The following ZNF592 variants were observed in gnomAD, a reference collection of about 807,000 sequenced individuals.
ZNF592 encodes the protein spinocerebellar ataxia, autosomal recessive 5.
Under a neutral mutation model 80.3 loss-of-function variants are expected in ZNF592, and 11 were observed. That is an observed-to-expected ratio of 0.14 (90% CI 0.09 to 0.23). The LOEUF (loss-of-function observed/expected upper bound fraction) is 0.23, where lower values mean the gene tolerates loss of function less well. Ranked by LOEUF, ZNF592 falls within the 10% of genes least tolerant of loss-of-function variation. ZNF592 has a pLI of 1.00. For missense variants in ZNF592, 1,420 were observed against 1,633.9 expected (o/e 0.87, Z 2.26); for synonymous variants, 646 against 640.3 (o/e 1.01, Z -0.13).
rs999073782 is a variant in ZNF592, at chr15:84,805,471, A to G, written c.*3078A>G. 3.3e-5 allele frequency: 5 copies of G among 152,654 alleles called. No individual in the cohort carries two copies. The highest frequency in any genetic ancestry group is 7.3e-5 in the Non-Finnish European group (5 of 68,044). The allele number at this position is 152,654 out of a possible 1,614,324, so 9.5% of individuals were successfully genotyped here. ...ACAGATAAGATCCCTTCCCTTGTAG[A>G]AACTACAACTTAATACAGTCTAAGA... On this transcript the variant is annotated 3_prime_UTR_variant, in exon 11 of 11. Transcript: ENST00000560079.
At position 84,799,990 on chromosome 15, in the gene ZNF592, TC is replaced by T; in HGVS notation, c.3273+16del. 1.2e-6 allele frequency: 2 copies of T among 1,614,144 alleles called. No individual in the cohort carries two copies. On this transcript the variant is annotated intron_variant, in intron 10 of 10. Coordinates refer to ENST00000560079, the MANE Select transcript of ZNF592 (RefSeq NM_014630.3). This position sits in a 1 kb window ranked among gnomAD's most constrained non-coding sequence, Gnocchi z 4.2. Reference sequence around the variant, plus strand: ...ACATTCCCCTCAGGTGAGTGTGGGCTCCCTGCCTATTGGAGCTGGCTGCTCA... The same window carrying T: ...ACATTCCCCTCAGGTGAGTGTGGGCTCCTGCCTATTGGAGCTGGCTGCTCA...
rs1198461508 is a variant in ZNF592, at chr15:84,803,051, A to G, written c.*658A>G. 1 of 152,794 alleles carries G rather than the reference A, an allele frequency of 6.5e-6. No individual in the cohort carries two copies. Among genetic ancestry groups the G allele is most frequent in the South Asian group, 2.1e-4 (1 of 4,844 alleles). 9.5% of individuals were successfully genotyped at this position (152,794 alleles called of 1,614,324 possible). A position where few individuals can be genotyped will look rare whatever the true frequency, so the allele number is the denominator to read the frequency against. On this transcript the variant is annotated 3_prime_UTR_variant, in exon 11 of 11. Transcript: ENST00000560079. ...ACACCTCTGTTTGGAACCTGGGCAGAGCAGGAGGTAAGGCAAAGGCAGGCA... is the reference window on the plus strand; with the variant it reads ...ACACCTCTGTTTGGAACCTGGGCAGGGCAGGAGGTAAGGCAAAGGCAGGCA...
At chr15:84,789,766 C>T (rs1316057172) in intron 4 of ZNF592, among the ~76,000 whole-genome samples, 1 of 152,212 alleles carries the variant, frequency 6.6e-6, no homozygotes, top group Non-Finnish European at 1.5e-5. Context: ...CAAGCCCCTT[C>T]GAGCTGGCTT....
chr15:84,802,778 A>G lies in ZNF592; in HGVS notation c.*385A>G. The stretch of plus-strand genomic sequence containing the variant: ...GCTGCCTTCAGCCAGGGCGCTCCTC[A>G]GAGCTCTATTTTCCTGCAGACACCA... On this transcript the variant is annotated 3_prime_UTR_variant, in exon 11 of 11. Coordinates refer to ENST00000560079, the MANE Select transcript of ZNF592 (RefSeq NM_014630.3). 1 of 267,790 alleles carries G rather than the reference A, an allele frequency of 3.7e-6. No individual in the cohort carries two copies. Among genetic ancestry groups the G allele is most frequent in the Non-Finnish European group, 7.4e-6 (1 of 135,454 alleles). 16.6% of individuals were successfully genotyped at this position (267,790 alleles called of 1,614,324 possible).
chr15:84,752,552 C>T (rs921269681), intron 1 of ZNF592, among the ~76,000 whole-genome samples: 1 of 152,116 alleles, frequency 6.6e-6, no homozygotes, highest in Non-Finnish European at 1.5e-5. Flanking sequence ...AAGCATGGAG[C>T]CATGGTAGCC....
At chr15:84,770,335 T>C (rs1295746677) in intron 2 of ZNF592, among the ~76,000 whole-genome samples, 1 of 152,156 alleles carries the variant, frequency 6.6e-6, no homozygotes, top group Non-Finnish European at 1.5e-5. Flanking sequence ...CTGAGGGGCT[T>C]ATAAAATAGC....
In ZNF592 at chr15:84,799,814, A is replaced by C; in HGVS notation, c.3138-28A>C. 6.2e-7 allele frequency: 1 copy of C among 1,613,312 alleles called. No homozygotes were observed. Among genetic ancestry groups the C allele is most frequent in the Non-Finnish European group, 8.5e-7 (1 of 1,179,952 alleles). On this transcript the variant is annotated intron_variant, in intron 9 of 10. Coordinates refer to ENST00000560079, the MANE Select transcript of ZNF592 (RefSeq NM_014630.3). The surrounding 1 kb of genome is among the most constrained non-coding windows in gnomAD (Gnocchi z 4.2). ...GAGGGAGCCTGCGGCCCGGGCACTTACCTGACCTCTCCGCTGTGCTTCTGC... is the reference window on the plus strand; with the variant it reads ...GAGGGAGCCTGCGGCCCGGGCACTTCCCTGACCTCTCCGCTGTGCTTCTGC...
chr15:84,790,574 A>G lies in ZNF592; in HGVS notation c.2221-131A>G, dbSNP rs933057527. 4 of 902,456 alleles carry G rather than the reference A, an allele frequency of 4.4e-6. No individual in the cohort carries two copies. The African/African-American group carries it at 4.9e-5, about 11-fold the overall frequency. The allele number at this position is 902,456 out of a possible 1,614,324, so 55.9% of individuals were successfully genotyped here. A position where few individuals can be genotyped will look rare whatever the true frequency, so the allele number is the denominator to read the frequency against. ...TCTAGGGGTGTCAGAAGTGTCCAGG[A>G]GAGTTGGAAGAGAGAGTGGTTGGGG... On this transcript the variant is annotated intron_variant, in intron 4 of 10. Transcript: ENST00000560079.
At chr15:84,800,055 G>C in intron 10 of ZNF592, 78 bp downstream of exon 10, 1 of 1,605,300 alleles carries the variant, frequency 6.2e-7, no homozygotes, top group East Asian at 2.2e-5. Context: ...GAAGGCTACT[G>C]TTGTGGCCAT....
chr15:84,790,595 T>TG (rs1201400190), intron 4 of ZNF592, 110 bp from the exon 5 acceptor site: 3 of 1,089,188 alleles, frequency 2.8e-6, no homozygotes, highest in Non-Finnish European at 4.2e-6. Context: ...AGAGAGTGGT[T>TG]GGGGGAAGGG....
intron 5 of ZNF592, among the ~76,000 whole-genome samples, chr15:84,794,859 G>C (rs543849256): frequency 6.6e-6 from 1 of 152,248 alleles, no homozygotes; most frequent in African/African-American, 2.4e-5. Context: ...TTATAATTGA[G>C]TTGTAAGAGT....
chr15:84,761,676 C>T (rs190992905), intron 1 of ZNF592, among the ~76,000 whole-genome samples: 4 of 152,302 alleles, frequency 2.6e-5, no homozygotes, highest in East Asian at 1.9e-4. Flanking sequence ...CTTCACCTCA[C>T]GGGCTGTAAT....
chr15:84,802,614 A>T lies in ZNF592; in HGVS notation c.*221A>T, dbSNP rs1963134889. The T allele has an allele frequency of 1.7e-6, 1 of 602,344 alleles. No homozygotes were observed. The highest frequency in any genetic ancestry group is 1.9e-5 in the African/African-American group (1 of 53,852). The allele number at this position is 602,344 out of a possible 1,614,324, so 37.3% of individuals were successfully genotyped here. A position where few individuals can be genotyped will look rare whatever the true frequency, so the allele number is the denominator to read the frequency against. The stretch of plus-strand genomic sequence containing the variant: ...AGCTCTGAATTTGCTTCTGTTATTT[A>T]TGGCTTTTCGCTGCTTCTTGGTGCC... On this transcript the variant is annotated 3_prime_UTR_variant, in exon 11 of 11. Transcript: ENST00000560079.
intron 1 of ZNF592, among the ~76,000 whole-genome samples, chr15:84,758,652 C>T (rs187818043): frequency 4.0e-5 from 6 of 151,634 alleles, no homozygotes; most frequent in Non-Finnish European, 8.8e-5. Flanking sequence ...TGGCTCACAC[C>T]TGTAATCCCA....
intron 2 of ZNF592, among the ~76,000 whole-genome samples, chr15:84,774,496 TG>T (rs1962184382): frequency 6.6e-6 from 1 of 152,238 alleles, no homozygotes; most frequent in South Asian, 2.1e-4. Context: ...CCTTATGGGT[TG>T]GAAACCACCA....
intron 4 of ZNF592, among the ~76,000 whole-genome samples, chr15:84,789,612 AATAGT>A (rs1484712123): frequency 6.6e-6 from 1 of 152,200 alleles, no homozygotes; most frequent in Admixed American, 6.5e-5. Flanking sequence ...TGTTCTTTCA[AATAGT>A]AGCCATCCTA....
chr15:84,782,882 T>C lies in ZNF592; in HGVS notation c.207T>C (p.Ile69=). 2.5e-6 allele frequency: 4 copies of C among 1,614,134 alleles called. No homozygotes were observed. In the East Asian group the frequency reaches 6.7e-5, roughly 27 times the overall value. ...CCGATGTGCCGGCCGTGAGTGTCAT[T>C]GTCAAGAACACCAGCCGCCAGGAGT... ...SAPDVPAVSV[I]VKNTSRQESF... is the part of the protein sequence containing the mutation. The change falls in exon 4 of 11, where the codon ATT becomes ATC. Residue 69 remains isoleucine, a synonymous_variant. Coordinates refer to ENST00000560079, the MANE Select transcript of ZNF592 (RefSeq NM_014630.3).
intron 4 of ZNF592, among the ~76,000 whole-genome samples, chr15:84,787,810 A>G (rs1361198483): frequency 1.3e-5 from 2 of 152,250 alleles, no homozygotes; most frequent in Non-Finnish European, 2.9e-5. Flanking sequence ...ATTTTGAGTC[A>G]GGATCTGAAC....
chr15:84,790,459 T>A (rs1596128976), intron 4 of ZNF592, among the ~76,000 whole-genome samples: 1 of 152,084 alleles, frequency 6.6e-6, no homozygotes. Context: ...GCGGAACTGG[T>A]CTTTGAGAGA....
Sources: allele counts gnomAD v4.1 joint callset (sites outside exome capture counted in the v4.1 genomes callset), GRCh38; gene constraint gnomAD v4.1.1; non-coding constraint Gnocchi (gnomAD v3.1); transcripts MANE v1.5; gene names NCBI Gene and HGNC (gene_info 2026-07-23, HGNC 2026-07-21).